The following COL25A1 variants were observed in gnomAD, a reference collection of about 807,000 sequenced individuals.
The protein encoded by COL25A1 is collagen type XXV alpha 1 chain.
In COL25A1, 103 loss-of-function variants were observed where a neutral mutation model predicts 128.4. The ratio of observed to expected loss-of-function variants is 0.80; its 90% CI spans 0.68 to 0.94. COL25A1 has a LOEUF of 0.94. COL25A1 is among the 40% of genes least tolerant of loss of function. COL25A1 has a pLI of 0.00. For missense variants in COL25A1, 745 were observed against 840.0 expected (o/e 0.89, Z 1.40); for synonymous variants, 279 against 277.2 (o/e 1.01, Z -0.06).
chr4:109,264,405 T>A (rs6822104), intron 3 of COL25A1, among the ~76,000 whole-genome samples: 33,359 of 151,478 alleles, frequency 0.22, 4,256 homozygotes, highest in Middle Eastern at 0.3. Context: ...AATAATGGAG[T>A]GGGGGAAACT....
intron 31 of COL25A1, among the ~76,000 whole-genome samples, chr4:108,839,172 G>T (rs1734139702): frequency 6.6e-6 from 1 of 152,124 alleles, no homozygotes; most frequent in Non-Finnish European, 1.5e-5. Context: ...TGTAGCGCTT[G>T]TTAAACATAA....
chr4:109,048,848 A>G (rs906480039), intron 4 of COL25A1, among the ~76,000 whole-genome samples: 1 of 152,152 alleles, frequency 6.6e-6, no homozygotes, highest in African/African-American at 2.4e-5. Flanking sequence ...TTCTTTTGAC[A>G]AAGATCAAAG....
At chr4:108,830,341 T>C (rs1331176227) in intron 32 of COL25A1, among the ~76,000 whole-genome samples, 5 of 152,226 alleles carry the variant, frequency 3.3e-5, no homozygotes, top group Non-Finnish European at 5.9e-5. Flanking sequence ...TTGAATAACA[T>C]TGGCTGTCAA....
At chr4:109,104,401 A>ACTCT (rs112054758) in intron 3 of COL25A1, among the ~76,000 whole-genome samples, 4,599 of 150,000 alleles carry the variant, frequency 0.031, 93 homozygotes, top group Non-Finnish European at 0.042. Flanking sequence ...AAAGGAAATC[A>ACTCT]CTCTCTCTCT....
At chr4:108,865,938 T>A (rs749122038) in intron 20 of COL25A1, among the ~76,000 whole-genome samples, 9 of 152,122 alleles carry the variant, frequency 5.9e-5, no homozygotes, top group Non-Finnish European at 8.8e-5. Context: ...TCAGCTAGAA[T>A]CACTTTTTAT....
At chr4:108,980,043 G>A (rs1752819389) in intron 6 of COL25A1, among the ~76,000 whole-genome samples, 1 of 152,166 alleles carries the variant, frequency 6.6e-6, no homozygotes, top group East Asian at 1.9e-4. Context: ...AGTTCAGGGT[G>A]GTAAGAACAT....
intron 3 of COL25A1, among the ~76,000 whole-genome samples, chr4:109,087,652 T>C (rs1764534231): frequency 6.6e-6 from 1 of 152,252 alleles, no homozygotes; most frequent in African/African-American, 2.4e-5. Context: ...TACTATACAC[T>C]GTGAAAGTCA....
chr4:108,855,462 CATT>C (rs993180602), intron 24 of COL25A1, among the ~76,000 whole-genome samples: 94 of 151,908 alleles, frequency 6.2e-4, no homozygotes, highest in African/African-American at 2.1e-3. Flanking sequence ...ATTTCTTTAT[CATT>C]GTCTTCCAAT....
rs368993668 is a variant in COL25A1, at chr4:109,020,850, T to C, written c.421-10475A>G. Among the ~76,000 whole-genome samples, 46 of 152,314 alleles carry C rather than the reference T, an allele frequency of 3.0e-4. 2 individuals are homozygous for C. The South Asian group carries it at 9.5e-3, about 32-fold the overall frequency. Reference sequence around the variant, plus strand: ...TTGGATACCTAATATTCCACTGAGGTTTATTCAGATTTTTACTATTATAAA... The same window carrying C: ...TTGGATACCTAATATTCCACTGAGGCTTATTCAGATTTTTACTATTATAAA... On this transcript the variant is annotated intron_variant, in intron 5 of 37. Coordinates refer to ENST00000399132, the MANE Select transcript of COL25A1 (RefSeq NM_198721.4).
At position 108,841,871 on chromosome 4, in the gene COL25A1, A is replaced by T. The variant is rs528190998; in HGVS notation, c.1630-150T>A. 6.7e-5 allele frequency: 44 copies of T among 658,442 alleles called. No homozygotes were observed. The South Asian group carries it at 8.5e-4, about 13-fold the overall frequency. The allele number at this position is 658,442 out of a possible 1,614,324, so 40.8% of individuals were successfully genotyped here. ...GGCAGGCTAGTGGATGTTATTTATT[A>T]CCCACCAAAAGTTCCTTCCAGCTCT... is the stretch of plus-strand genomic sequence containing the variant. On this transcript the variant is annotated intron_variant, in intron 30 of 37. Transcript: ENST00000399132.
At chr4:108,943,501 T>C (rs779855381) in intron 8 of COL25A1, among the ~76,000 whole-genome samples, 1 of 152,074 alleles carries the variant, frequency 6.6e-6, no homozygotes, top group African/African-American at 2.4e-5. Flanking sequence ...CATGCAGAGG[T>C]GGTGGATGAA....
Position 109,300,665 on chromosome 4 carries a change from AAG to A in COL25A1, c.298-15_298-14del, listed in dbSNP as rs757092320. 3.8e-6 allele frequency: 6 copies of A among 1,576,682 alleles called. No homozygotes were observed. Among genetic ancestry groups the A allele is most frequent in the Middle Eastern group, 1.7e-4 (1 of 6,002 alleles). ...GTTCATAGGATTTCTGTAGGAAAAG[AAG>A]AGTTATTAATAATCATCAGTAGCAC... On this transcript the variant is annotated splice_polypyrimidine_tract_variant and intron_variant, in intron 2 of 37. Transcript: ENST00000399132.
chr4:108,822,289 C>A (rs575442693), intron 35 of COL25A1, among the ~76,000 whole-genome samples: 28 of 152,088 alleles, frequency 1.8e-4, no homozygotes, highest in African/African-American at 6.5e-4. Context: ...AGTGATCCAC[C>A]CGCCTCGGCC....
At chr4:109,105,424 A>G (rs1766333815) in intron 3 of COL25A1, among the ~76,000 whole-genome samples, 1 of 152,194 alleles carries the variant, frequency 6.6e-6, no homozygotes, top group African/African-American at 2.4e-5. Flanking sequence ...CAGGGAGCCA[A>G]GATCGTGCCA....
intron 5 of COL25A1, among the ~76,000 whole-genome samples, chr4:109,027,701 C>A (rs1253588104): frequency 3.3e-5 from 5 of 151,576 alleles, no homozygotes; most frequent in Non-Finnish European, 7.4e-5. Flanking sequence ...AAAAAGTGGT[C>A]AGTTTCTGGT....
In COL25A1 at chr4:109,223,700, T is replaced by A. The variant is rs148158208; in HGVS notation, c.367+76883A>T. Among the ~76,000 whole-genome samples, 57 of 152,102 alleles carry A rather than the reference T, an allele frequency of 3.7e-4. 1 individual carries two copies. Among genetic ancestry groups the A allele is most frequent in the African/African-American group, 1.3e-3 (55 of 41,474 alleles). On this transcript the variant is annotated intron_variant, in intron 3 of 37. Transcript: ENST00000399132. The stretch of plus-strand genomic sequence containing the variant: ...GAACTCCTTGGAGTACAGGAAAGTG[T>A]GCCCTATCTGCTGCATTTACCAGTT...
chr4:109,050,750 AC>A (rs1181077524), intron 3 of COL25A1, among the ~76,000 whole-genome samples: 1 of 152,128 alleles, frequency 6.6e-6, no homozygotes, highest in Non-Finnish European at 1.5e-5. Flanking sequence ...TAAAATCACA[AC>A]CTTTTTAATA....
rs1051830222 is a variant in COL25A1, at chr4:109,186,206, C to T, written c.367+114377G>A. Among the ~76,000 whole-genome samples the T allele has an allele frequency of 5.3e-5, 8 of 152,254 alleles. No homozygotes were observed. The South Asian group carries it at 6.2e-4, about 12-fold the overall frequency. ...TGCTGACTGCTGTGCTTTAGAGAAA[C>T]GACTCCAATTCTTGGTCGACTCTCT... is the stretch of plus-strand genomic sequence containing the variant. On this transcript the variant is annotated intron_variant, in intron 3 of 37. Transcript: ENST00000399132.
At chr4:108,871,563 G>A (rs916410346) in intron 19 of COL25A1, among the ~76,000 whole-genome samples, 1 of 152,088 alleles carries the variant, frequency 6.6e-6, no homozygotes, top group African/African-American at 2.4e-5. Context: ...TGATCCGCCC[G>A]TCTCGGCCTC....
Sources: gnomAD v4.1 joint callset for allele counts (sites outside exome capture counted in the v4.1 genomes callset) on GRCh38, gnomAD v4.1.1 for gene constraint, MANE v1.5 for transcripts, NCBI Gene and HGNC (gene_info 2026-07-23, HGNC 2026-07-21) for gene names.